The following PACSIN2 variants were observed in gnomAD, a reference collection of about 807,000 sequenced individuals.
PACSIN2 encodes the protein protein kinase C and casein kinase substrate in neurons 2, also known as protein kinase C and casein kinase substrate in neurons protein 2.
A neutral mutation model predicts 63.8 loss-of-function variants in PACSIN2; 25 were observed. The observed-to-expected ratio is 0.39, with a 90% confidence interval of 0.29 to 0.55. The LOEUF (loss-of-function observed/expected upper bound fraction) is 0.55, where lower values mean the gene tolerates loss of function less well. Among genes scored for constraint, PACSIN2 ranks in the 20% least tolerant of loss-of-function variants. The pLI, the probability that PACSIN2 is intolerant of heterozygous loss-of-function variation, is 0.62. For synonymous variants in PACSIN2, 255 were observed against 256.2 expected (o/e 1.00, Z 0.05); for missense variants, 518 against 646.9 (o/e 0.80, Z 2.16).
intron 2 of PACSIN2, among the ~76,000 whole-genome samples, chr22:42,903,833 C>A (rs1930871310): frequency 6.6e-6 from 1 of 152,198 alleles, no homozygotes; most frequent in African/African-American, 2.4e-5. Context: ...TCTGTCTCAA[C>A]TTGGGGTTTT....
rs372825075 is a variant in PACSIN2, at chr22:42,892,101, G to A, written c.218-919C>T. Among the ~76,000 whole-genome samples, 127 of 152,272 alleles carry A rather than the reference G, an allele frequency of 8.3e-4. 1 individual carries two copies. The highest frequency in any genetic ancestry group is 8.3e-3 in the South Asian group (40 of 4,824). On this transcript the variant is annotated intron_variant, in intron 3 of 10. Transcript: ENST00000263246. Reference sequence around the variant, plus strand: ...CCAGTATGGCAGGAGGGGCTGAGTCGCCTCTCCCTACTCACTGTTCTCAGT... The same window carrying A: ...CCAGTATGGCAGGAGGGGCTGAGTCACCTCTCCCTACTCACTGTTCTCAGT...
chr22:42,909,390 A>T, intron 2 of PACSIN2: 1 of 374,164 alleles, frequency 2.7e-6, no homozygotes, highest in Non-Finnish European at 5.5e-6. Flanking sequence ...TCTTTGGAAA[A>T]GTGTCCTTCC....
intron 2 of PACSIN2, among the ~76,000 whole-genome samples, chr22:42,902,249 C>T (rs1930741107): frequency 1.3e-5 from 2 of 152,218 alleles, no homozygotes; most frequent in Non-Finnish European, 2.9e-5. Context: ...TAGCTGAAGA[C>T]AGCTCTGAGG....
chr22:42,899,978 TGGAGAAATAGAGACA>T (rs1243186259), intron 2 of PACSIN2, among the ~76,000 whole-genome samples: 5 of 152,150 alleles, frequency 3.3e-5, no homozygotes, highest in Non-Finnish European at 7.4e-5. Flanking sequence ...CAACTGCAGG[TGGAGAAATAGAGACA>T]GGAACGGTTA....
At chr22:42,914,671 TC>T (rs1174903377) in intron 1 of PACSIN2, among the ~76,000 whole-genome samples, 3 of 152,152 alleles carry the variant, frequency 2.0e-5, no homozygotes, top group Admixed American at 2.0e-4. Flanking sequence ...CAGGTGAGTC[TC>T]AAAGTGGCCC....
At chr22:42,879,694 C>G (rs1274000651) in intron 7 of PACSIN2, among the ~76,000 whole-genome samples, 5 of 152,332 alleles carry the variant, frequency 3.3e-5, no homozygotes, top group Middle Eastern at 6.8e-3. Flanking sequence ...AGGGTCAAGA[C>G]AGTTGGCTTC....
intron 1 of PACSIN2, among the ~76,000 whole-genome samples, chr22:42,973,194 G>A (rs1921452913): frequency 6.6e-6 from 1 of 152,222 alleles, no homozygotes; most frequent in Non-Finnish European, 1.5e-5. Flanking sequence ...GAGAGAAAGC[G>A]AGAAGTGGTG....
intron 9 of PACSIN2, 42 bp downstream of exon 9, chr22:42,876,846 G>C: frequency 6.2e-7 from 1 of 1,613,202 alleles, no homozygotes; most frequent in Non-Finnish European, 8.5e-7. Flanking sequence ...AAGAGAGACA[G>C]AGTGAGCGCG....
chr22:42,908,238 G>T (rs981060767), intron 2 of PACSIN2, among the ~76,000 whole-genome samples: 2 of 152,238 alleles, frequency 1.3e-5, no homozygotes, highest in Admixed American at 1.3e-4. Context: ...TGTTGAGGCA[G>T]ACTCAGGCTC....
At chr22:42,929,637 C>T (rs1932741876) in intron 1 of PACSIN2, among the ~76,000 whole-genome samples, 1 of 152,222 alleles carries the variant, frequency 6.6e-6, no homozygotes, top group African/African-American at 2.4e-5. Context: ...TCATACTAAT[C>T]ACACAGCTGG....
intron 2 of PACSIN2, among the ~76,000 whole-genome samples, chr22:42,910,733 C>A (rs992586538): frequency 2.6e-5 from 4 of 152,096 alleles, no homozygotes; most frequent in Non-Finnish European, 4.4e-5. Context: ...AGCTGGGTGC[C>A]CCCCTCACCC....
At chr22:42,917,903 A>G (rs5759033) in intron 1 of PACSIN2, among the ~76,000 whole-genome samples, 31,533 of 151,916 alleles carry the variant, frequency 0.21, 5,519 homozygotes, top group East Asian at 0.73. Flanking sequence ...AGGACTACAG[A>G]GTGTGTGCCA....
At chr22:42,961,492 G>A (rs927029080) in intron 1 of PACSIN2, among the ~76,000 whole-genome samples, 3 of 150,790 alleles carry the variant, frequency 2.0e-5, no homozygotes, top group Non-Finnish European at 2.9e-5. Flanking sequence ...AATTCCTTAG[G>A]CTGGGCCGGT....
At chr22:42,890,062 C>T (rs569852058) in intron 4 of PACSIN2, among the ~76,000 whole-genome samples, 32 of 147,040 alleles carry the variant, frequency 2.2e-4, no homozygotes, top group South Asian at 6.4e-4. Flanking sequence ...AGTGCAGTGG[C>T]GTGATCTCAG....
chr22:42,944,625 A>G (rs536032631), intron 1 of PACSIN2, among the ~76,000 whole-genome samples: 3 of 152,372 alleles, frequency 2.0e-5, no homozygotes, highest in African/African-American at 7.2e-5. Flanking sequence ...CAATATTTAT[A>G]ACAGCAAAAA....
intron 1 of PACSIN2, among the ~76,000 whole-genome samples, chr22:42,926,870 G>A (rs1202593770): frequency 2.6e-5 from 4 of 151,980 alleles, no homozygotes; most frequent in Non-Finnish European, 5.9e-5. Flanking sequence ...CTTGGAGGAG[G>A]TTAAGGAAAA....
At chr22:42,938,647 T>G (rs1933013280) in intron 1 of PACSIN2, among the ~76,000 whole-genome samples, 1 of 152,166 alleles carries the variant, frequency 6.6e-6, no homozygotes. Context: ...TTGCACCATC[T>G]CCCTCTCGAC....
At chr22:42,872,055 C>T (rs529960456) in intron 10 of PACSIN2, among the ~76,000 whole-genome samples, 3 of 152,238 alleles carry the variant, frequency 2.0e-5, no homozygotes, top group African/African-American at 7.2e-5. Context: ...GAGCCCCTGG[C>T]GCTGTTCTGG....
intron 1 of PACSIN2, among the ~76,000 whole-genome samples, chr22:42,970,666 T>C (rs988957179): frequency 3.3e-5 from 5 of 152,180 alleles, no homozygotes; most frequent in African/African-American, 7.2e-5. Context: ...TCAGGGACAA[T>C]GTGGTCTTCT....
Sources: gnomAD v4.1 joint callset for allele counts (sites outside exome capture counted in the v4.1 genomes callset) on GRCh38, gnomAD v4.1.1 for gene constraint, MANE v1.5 for transcripts, NCBI Gene and HGNC (gene_info 2026-07-23, HGNC 2026-07-21) for gene names.